NEBL: variants seen among roughly 807,000 people sequenced by gnomAD.
The protein encoded by NEBL is nebulette, also known as LIM and SH3 protein 2.
NEBL carries 122 observed loss-of-function variants against 140.2 expected under a neutral mutation model. The observed-to-expected ratio is 0.87, with a 90% confidence interval of 0.75 to 1.01. The LOEUF (loss-of-function observed/expected upper bound fraction) is 1.01, where lower values mean the gene tolerates loss of function less well. Among genes scored for constraint, NEBL ranks in the 50% least tolerant of loss-of-function variants. NEBL has a pLI of 0.00. For synonymous variants in NEBL, 436 were observed against 398.9 expected, an observed-to-expected ratio of 1.09 and a Z score of -1.11; for missense variants, 1,365 against 1,231.3, an observed-to-expected ratio of 1.11 and a Z score of -1.62.
At chr10:21,081,671 A>G (rs901981075) in intron 2 of NEBL, among the ~76,000 whole-genome samples, 1 of 152,186 alleles carries the variant, frequency 6.6e-6, no homozygotes, top group Non-Finnish European at 1.5e-5. Flanking sequence ...AAAGGAATCA[A>G]GCATCCTCGG....
intron 2 of NEBL, among the ~76,000 whole-genome samples, chr10:21,142,805 T>C (rs916087125): frequency 6.6e-5 from 10 of 152,036 alleles, no homozygotes; most frequent in African/African-American, 2.4e-4. Flanking sequence ...TTGTGCTCCT[T>C]ATGAGAATCT....
At chr10:20,840,215 C>G (rs1247925683) in intron 13 of NEBL, among the ~76,000 whole-genome samples, 1 of 152,104 alleles carries the variant, frequency 6.6e-6, no homozygotes, top group African/African-American at 2.4e-5. Context: ...CACCATATGA[C>G]CCAAAGTAAT....
intron 2 of NEBL, among the ~76,000 whole-genome samples, chr10:21,045,201 T>C (rs1259121869): frequency 6.6e-6 from 1 of 152,196 alleles, no homozygotes; most frequent in Admixed American, 6.5e-5. Context: ...GTTTCTGAAT[T>C]GTAGGAAATA....
chr10:21,253,540 CTTTTTTT>C (rs71509095), intron 1 of NEBL, among the ~76,000 whole-genome samples: 3 of 110,698 alleles, frequency 2.7e-5, no homozygotes, highest in African/African-American at 7.5e-5. Flanking sequence ...TTTTAAACCT[CTTTTTTT>C]TTTTTTTTTT....
At chr10:20,948,197 C>A (rs879729976) in intron 4 of NEBL, among the ~76,000 whole-genome samples, 13 of 152,072 alleles carry the variant, frequency 8.5e-5, no homozygotes, top group Non-Finnish European at 1.2e-4. Flanking sequence ...TGCATCTAAC[C>A]CTGGAAGCAG....
intron 4 of NEBL, among the ~76,000 whole-genome samples, chr10:20,939,686 A>T (rs546251890): frequency 1.3e-3 from 193 of 152,146 alleles, no homozygotes; most frequent in Non-Finnish European, 2.0e-3. Context: ...TATTCAGGAA[A>T]CCCATCTCAC....
At chr10:21,083,414 T>G (rs1164764228) in intron 2 of NEBL, among the ~76,000 whole-genome samples, 2 of 152,168 alleles carry the variant, frequency 1.3e-5, no homozygotes, top group African/African-American at 4.8e-5. Flanking sequence ...GTAGCAATGA[T>G]CTGTTCAAGG....
intron 3 of NEBL, among the ~76,000 whole-genome samples, chr10:21,244,321 A>G (rs1588557380): frequency 6.8e-6 from 1 of 146,700 alleles, no homozygotes; most frequent in African/African-American, 2.5e-5. Flanking sequence ...ACCTGCCACC[A>G]TGCCCAGCTA....
chr10:21,114,068 A>G (rs1589248283), intron 2 of NEBL, among the ~76,000 whole-genome samples: 1 of 152,050 alleles, frequency 6.6e-6, no homozygotes, highest in East Asian at 1.9e-4. Context: ...ATTTCCCTTT[A>G]AGCATTGTTT....
chr10:21,260,466 C>T (rs559485591), intron 1 of NEBL, among the ~76,000 whole-genome samples: 4 of 152,296 alleles, frequency 2.6e-5, no homozygotes, highest in African/African-American at 9.6e-5. Flanking sequence ...ATAATTTCCT[C>T]TTTTTCTTTT....
intron 2 of NEBL, among the ~76,000 whole-genome samples, chr10:21,076,508 G>T (rs1044104589): frequency 6.7e-6 from 1 of 148,934 alleles, no homozygotes; most frequent in African/African-American, 2.5e-5. Flanking sequence ...TCTACTTGTG[G>T]GCATATAACC....
intron 3 of NEBL, among the ~76,000 whole-genome samples, chr10:21,200,976 G>A (rs1278268184): frequency 6.6e-6 from 1 of 151,962 alleles, no homozygotes; most frequent in Non-Finnish European, 1.5e-5. Flanking sequence ...TGTAGTTCCA[G>A]CTACTCAGGA....
intron 26 of NEBL, among the ~76,000 whole-genome samples, chr10:20,797,568 A>C (rs1836674472): frequency 6.6e-6 from 1 of 152,218 alleles, no homozygotes; most frequent in African/African-American, 2.4e-5. Flanking sequence ...CTCAAGATAC[A>C]GAAATACGAG....
At chr10:21,088,111 C>T (rs1836729032) in intron 2 of NEBL, among the ~76,000 whole-genome samples, 1 of 152,186 alleles carries the variant, frequency 6.6e-6, no homozygotes, top group Non-Finnish European at 1.5e-5. Flanking sequence ...GGAATCACCC[C>T]TGGGTCTACA....
At chr10:21,039,423 A>C (rs935816918) in intron 2 of NEBL, among the ~76,000 whole-genome samples, 2 of 152,184 alleles carry the variant, frequency 1.3e-5, no homozygotes, top group Non-Finnish European at 2.9e-5. Context: ...GGACGGGTCC[A>C]GTTTCTGTTT....
chr10:20,962,664 G>A (rs1836106981), intron 3 of NEBL, among the ~76,000 whole-genome samples: 1 of 152,020 alleles, frequency 6.6e-6, no homozygotes, highest in Non-Finnish European at 1.5e-5. Flanking sequence ...TGACTGAGAT[G>A]GTTACATCAC....
upstream of NEBL, among the ~76,000 whole-genome samples, chr10:21,177,164 A>G (rs1044439007): frequency 6.6e-6 from 1 of 152,190 alleles, no homozygotes; most frequent in Non-Finnish European, 1.5e-5. Context: ...TGGACATGAC[A>G]TATGTCGTAT....
At chr10:20,865,389 G>A (rs1035352505) in intron 7 of NEBL, among the ~76,000 whole-genome samples, 34 of 152,078 alleles carry the variant, frequency 2.2e-4, no homozygotes, top group African/African-American at 6.3e-4. Context: ...TTACAAATGA[G>A]GAAACAAAAA....
In NEBL at chr10:20,826,513, A is replaced by G. The variant is rs2130874098; in HGVS notation, c.1803T>C (p.Ala601=). 3.1e-6 allele frequency: 5 copies of G among 1,612,340 alleles called. No individual in the cohort carries two copies. The South Asian group carries it at 5.5e-5, about 18-fold the overall frequency. The change falls in exon 18 of 28, where the codon GCT becomes GCC. Residue 601 remains alanine (A), a synonymous_variant. Transcript: ENST00000377122. ...SAVFYKKEVG[A]GTAVKDSPEI... is the part of the protein sequence containing the mutation. ...CTGGGCTATCTTTCACTGCAGTGCC[A>G]GCTCCCACTTCTTTCTTATAAAATA...
Sources: allele counts gnomAD v4.1 joint callset (sites outside exome capture counted in the v4.1 genomes callset), GRCh38; gene constraint gnomAD v4.1.1; transcripts MANE v1.5; gene names NCBI Gene and HGNC (gene_info 2026-07-23, HGNC 2026-07-21).